The following PDE9A variants were observed in gnomAD, a reference collection of about 807,000 sequenced individuals.
PDE9A encodes the protein phosphodiesterase 9A, also known as high affinity cGMP-specific 3',5'-cyclic phosphodiesterase 9A.
In PDE9A, 60 loss-of-function variants were observed where a neutral mutation model predicts 87.4. That is an observed-to-expected ratio of 0.69 (90% CI 0.56 to 0.85). The LOEUF (loss-of-function observed/expected upper bound fraction) is 0.85. Among genes scored for constraint, PDE9A ranks in the 40% least tolerant of loss-of-function variants. The pLI is 0.00. For missense variants in PDE9A, 665 were observed against 779.0 expected, an observed-to-expected ratio of 0.85 and a Z score of 1.74; for synonymous variants, 272 against 279.4, an observed-to-expected ratio of 0.97 and a Z score of 0.27.
intron 10 of PDE9A, chr21:42,757,768 C>A (rs543260685): frequency 6.6e-6 from 1 of 152,190 alleles, no homozygotes; most frequent in Non-Finnish European, 1.5e-5. Context: ...CCTGTTCTCT[C>A]GGCACATGCA....
chr21:42,655,644 A>G (rs1223014021), intron 1 of PDE9A, among the ~76,000 whole-genome samples: 1 of 152,204 alleles, frequency 6.6e-6, no homozygotes, highest in Non-Finnish European at 1.5e-5. Flanking sequence ...CCCGTCCATA[A>G]AGAAGGGATA....
intron 1 of PDE9A, among the ~76,000 whole-genome samples, chr21:42,676,983 C>T (rs966953196): frequency 6.6e-6 from 1 of 152,200 alleles, no homozygotes; most frequent in African/African-American, 2.4e-5. Flanking sequence ...CCACGGGGCC[C>T]AGCGTCCGGC....
intron 1 of PDE9A, among the ~76,000 whole-genome samples, chr21:42,672,754 G>T (rs2058633280): frequency 6.6e-6 from 1 of 152,260 alleles, no homozygotes; most frequent in South Asian, 2.1e-4. Context: ...TAACGCATAT[G>T]TGTTTGTGTT....
At chr21:42,768,127 C>CAGA in intron 15 of PDE9A, 61 bp from the exon 16 acceptor site, 1 of 935,816 alleles carries the variant, frequency 1.1e-6, no homozygotes, top group Non-Finnish European at 1.7e-6. Context: ...CAGACCCGAG[C>CAGA]AGCAGCAGCA....
rs61450559 is a variant in PDE9A, at chr21:42,712,686, G to A, written c.262+13675G>A. Among the ~76,000 whole-genome samples, 601 of 152,250 alleles carry A rather than the reference G, an allele frequency of 3.9e-3. 6 individuals are homozygous for A. The highest frequency in any genetic ancestry group is 0.014 in the African/African-American group (568 of 41,544). On this transcript the variant is annotated intron_variant, in intron 4 of 19. Coordinates refer to ENST00000291539, the MANE Select transcript of PDE9A (RefSeq NM_002606.3). ...GCCTTTCATAAGGTTGGAAGTCCCC[G>A]TCTAATGTTAGTTTTCTGAGAGTTT...
intron 10 of PDE9A, chr21:42,758,721 G>A: frequency 2.5e-6 from 1 of 397,178 alleles, no homozygotes; most frequent in Non-Finnish European, 4.6e-6. Flanking sequence ...CTTGACTTCG[G>A]AACTGGCCCT....
At position 42,694,978 on chromosome 21, in the gene PDE9A, A is replaced by G. The variant is rs1189517115; in HGVS notation, c.219-3990A>G. 6.6e-6 allele frequency among the ~76,000 whole-genome samples: 1 copy of G among 152,122 alleles called. No homozygotes were observed. Among genetic ancestry groups the G allele is most frequent in the Non-Finnish European group, 1.5e-5 (1 of 68,024 alleles). ...CACATTCCCCCTCTGCACACTGCCA[A>G]TCTTCCTGTCCCCGCCCCAAATCCA... On this transcript the variant is annotated intron_variant, in intron 3 of 19. Transcript: ENST00000291539. This position sits in a 1 kb window ranked among gnomAD's most constrained non-coding sequence, Gnocchi z 5.3.
intron 2 of PDE9A, among the ~76,000 whole-genome samples, 200 bp from the exon 3 acceptor site, chr21:42,687,717 C>T (rs116306980): frequency 0.011 from 1,699 of 152,280 alleles, 39 homozygotes; most frequent in African/African-American, 0.039. Flanking sequence ...TAGGATTATA[C>T]GCAGCTGTTT....
At chr21:42,688,061 C>T in intron 3 of PDE9A, 67 bp downstream of exon 3, 1 of 1,311,868 alleles carries the variant, frequency 7.6e-7, no homozygotes, top group Non-Finnish European at 1.1e-6. Flanking sequence ...GGGAGGCTTT[C>T]TGTGATTTTG....
intron 7 of PDE9A, among the ~76,000 whole-genome samples, chr21:42,742,271 G>C (rs2053367808): frequency 6.6e-6 from 1 of 152,132 alleles, no homozygotes; most frequent in South Asian, 2.1e-4. Flanking sequence ...CTGCAATGGA[G>C]AAAGAGCCAT....
chr21:42,725,128 C>T (rs954995684), intron 4 of PDE9A, among the ~76,000 whole-genome samples: 2 of 152,196 alleles, frequency 1.3e-5, no homozygotes, highest in African/African-American at 4.8e-5. Flanking sequence ...ACATGGCGTC[C>T]CCCACAAGGA....
At chr21:42,774,900 C>A (rs1411086918) in intron 19 of PDE9A, among the ~76,000 whole-genome samples, 2 of 130,310 alleles carry the variant, frequency 1.5e-5, no homozygotes, top group Non-Finnish European at 3.4e-5. Flanking sequence ...AAAAAAAAGT[C>A]TGTGTATAAT....
At chr21:42,654,106 G>T (rs1031034923) in intron 1 of PDE9A, among the ~76,000 whole-genome samples, 60 of 152,198 alleles carry the variant, frequency 3.9e-4, no homozygotes, top group African/African-American at 1.4e-3. Flanking sequence ...TAGTGTTTCC[G>T]TTTCACAGGC....
At chr21:42,714,119 C>T (rs551188198) in intron 4 of PDE9A, among the ~76,000 whole-genome samples, 480 of 147,346 alleles carry the variant, frequency 3.3e-3, no homozygotes, top group Non-Finnish European at 4.1e-3. Context: ...CCCGGGTTCA[C>T]GCCATTCTCC....
chr21:42,672,799 C>T (rs141022344), intron 1 of PDE9A, among the ~76,000 whole-genome samples: 53 of 152,340 alleles, frequency 3.5e-4, no homozygotes, highest in African/African-American at 1.1e-3. Flanking sequence ...ACTGTGGACA[C>T]AGTTGGATGT....
At chr21:42,670,395 CAA>C (rs1569118301) in intron 1 of PDE9A, among the ~76,000 whole-genome samples, 155 of 103,588 alleles carry the variant, frequency 1.5e-3, no homozygotes, top group African/African-American at 0.01. Flanking sequence ...TTTACATTCA[CAA>C]ACATTCACAC....
intron 1 of PDE9A, among the ~76,000 whole-genome samples, chr21:42,655,181 C>T (rs988241535): frequency 4.6e-5 from 7 of 152,164 alleles, no homozygotes; most frequent in Non-Finnish European, 8.8e-5. Context: ...CATACACACA[C>T]GTGCACATGA....
Position 42,733,594 on chromosome 21 carries a change from GACTA to G in PDE9A, c.568+174_568+177del, listed in dbSNP as rs72378114. On this transcript the variant is annotated intron_variant, in intron 7 of 19. Coordinates refer to ENST00000291539, the MANE Select transcript of PDE9A (RefSeq NM_002606.3). ...TGATGTTAACAAAGGCTAGCACAGT[GACTA>G]ACTAAGCATTTTATTTCTATTTTAA... 6,577 of 599,294 alleles carry G rather than the reference GACTA, an allele frequency of 0.011. 341 individuals are homozygous for G. The African/African-American group carries it at 0.11, about 10-fold the overall frequency. 37.1% of individuals were successfully genotyped at this position (599,294 alleles called of 1,614,324 possible).
intron 10 of PDE9A, among the ~76,000 whole-genome samples, chr21:42,756,135 C>T (rs144845660): frequency 6.6e-5 from 10 of 152,370 alleles, no homozygotes; most frequent in East Asian, 3.9e-4. Flanking sequence ...TCCCACGGCC[C>T]GTGGCTCCTG....
Sources: allele counts gnomAD v4.1 joint callset (sites outside exome capture counted in the v4.1 genomes callset), GRCh38; gene constraint gnomAD v4.1.1; non-coding constraint Gnocchi (gnomAD v3.1); transcripts MANE v1.5; gene names NCBI Gene and HGNC (gene_info 2026-07-23, HGNC 2026-07-21).